Variants in TTC28 observed in about 807,000 individuals in gnomAD.
TTC28 encodes tetratricopeptide repeat domain 28, also known as tetratricopeptide repeat protein 28.
Under a neutral mutation model 198.0 loss-of-function variants are expected in TTC28, and 61 were observed. The observed-to-expected ratio is 0.31, with a 90% confidence interval of 0.25 to 0.38. TTC28 has a LOEUF of 0.38. Ranked by LOEUF, TTC28 falls within the 10% of genes least tolerant of loss-of-function variation. The probability of loss-of-function intolerance (pLI) is 1.00; values close to 1 mark genes in which losing one functional copy is unlikely to be tolerated. For synonymous variants in TTC28, 1,171 were observed against 1,297.8 expected (o/e 0.90, Z 2.10); for missense variants, 2,678 against 3,164.0 (o/e 0.85, Z 3.69).
At chr22:28,091,663 C>T (rs554764055) in intron 12 of TTC28, among the ~76,000 whole-genome samples, 1 of 152,052 alleles carries the variant, frequency 6.6e-6, no homozygotes, top group African/African-American at 2.4e-5. Context: ...ATGGGGTCAC[C>T]GTGCTCTCTT....
At chr22:28,110,732 C>T (rs1387244645) in intron 6 of TTC28, among the ~76,000 whole-genome samples, 1 of 151,920 alleles carries the variant, frequency 6.6e-6, no homozygotes, top group African/African-American at 2.4e-5. Context: ...CTTAGGAGTT[C>T]AAGAGAAGCT....
In TTC28 at chr22:27,983,934, A is replaced by T. The variant is rs916094575; in HGVS notation, c.5816-83T>A. The stretch of plus-strand genomic sequence containing the variant: ...TTCTTTCAAAATTTACGACATCTTT[A>T]TATGCATAGAAGCTAGCAAAGAATT... On this transcript the variant is annotated intron_variant, in intron 22 of 22. Coordinates refer to ENST00000397906, the MANE Select transcript of TTC28 (RefSeq NM_001145418.2). The T allele has an allele frequency of 1.7e-5, 23 of 1,369,560 alleles. No individual in the cohort carries two copies. In the Admixed American group the frequency reaches 6.0e-4, roughly 36 times the overall value. The allele number at this position is 1,369,560 out of a possible 1,614,324, so 84.8% of individuals were successfully genotyped here.
At chr22:28,188,498 AT>A (rs1924413835) in intron 5 of TTC28, among the ~76,000 whole-genome samples, 1 of 152,206 alleles carries the variant, frequency 6.6e-6, no homozygotes, top group Admixed American at 6.5e-5. Context: ...ATAAACTTAT[AT>A]AAAAAGCAAC....
intron 2 of TTC28, among the ~76,000 whole-genome samples, chr22:28,515,077 G>A (rs1601495306): frequency 1.3e-5 from 2 of 152,128 alleles, no homozygotes; most frequent in Non-Finnish European, 2.9e-5. Flanking sequence ...ATTACAGAGT[G>A]AATTTTTATT....
intron 5 of TTC28, among the ~76,000 whole-genome samples, chr22:28,192,039 C>A (rs962399607): frequency 1.3e-5 from 2 of 152,208 alleles, no homozygotes; most frequent in Non-Finnish European, 2.9e-5. Flanking sequence ...AGGCACCCCC[C>A]AGTAGGGGCA....
intron 6 of TTC28, among the ~76,000 whole-genome samples, chr22:28,109,822 C>T (rs1040061953): frequency 6.6e-6 from 1 of 152,162 alleles, no homozygotes; most frequent in Non-Finnish European, 1.5e-5. Context: ...AGTCTGTGAG[C>T]TTTCCAGTGG....
Position 27,983,744 on chromosome 22 carries a change from G to A in TTC28, c.5923C>T (p.Pro1975Ser). Residue 1975 changes from proline to serine, a missense_variant, in exon 23 of 23, where the codon CCC (proline) becomes TCC (serine). Physicochemically the swap from Pro to Ser is moderately conservative, Grantham distance 74. Around this residue, in one of 8 missense-constraint regions of TTC28, gnomAD observed 622 missense variants for 656.0 expected, o/e 0.95. Coordinates refer to ENST00000397906, the MANE Select transcript of TTC28 (RefSeq NM_001145418.2). ...SNALPLGYQQ[P>S]PFSPTGADSI... The stretch of plus-strand genomic sequence containing the variant: ...TCCGCACCGGTGGGAGAGAAGGGGG[G>A]TTGCTGGTAACCCAAGGGCAGGGCG... The A allele has an allele frequency of 1.9e-6, 3 of 1,551,670 alleles. No homozygotes were observed. Among genetic ancestry groups the A allele is most frequent in the Middle Eastern group, 1.7e-4 (1 of 5,992 alleles).
At chr22:28,507,714 T>A (rs1402311471) in intron 2 of TTC28, among the ~76,000 whole-genome samples, 1 of 152,194 alleles carries the variant, frequency 6.6e-6, no homozygotes, top group Non-Finnish European at 1.5e-5. Flanking sequence ...GACCTGTTAG[T>A]GTAAACCCTA....
At chr22:28,423,173 C>T (rs1482789355) in intron 2 of TTC28, among the ~76,000 whole-genome samples, 1 of 152,052 alleles carries the variant, frequency 6.6e-6, no homozygotes, top group Non-Finnish European at 1.5e-5. Flanking sequence ...AGGCAGATCA[C>T]GAAGTCAGGA....
intron 2 of TTC28, among the ~76,000 whole-genome samples, chr22:28,316,210 C>T (rs550879597): frequency 1.3e-5 from 2 of 152,212 alleles, no homozygotes; most frequent in South Asian, 4.2e-4. Flanking sequence ...TTAGGCAAGC[C>T]CGACTGTGCA....
intron 12 of TTC28, among the ~76,000 whole-genome samples, chr22:28,072,182 G>A (rs1390856595): frequency 1.3e-5 from 2 of 152,206 alleles, no homozygotes; most frequent in African/African-American, 2.4e-5. Flanking sequence ...ACTGAGTCAT[G>A]CTTTGTCATG....
chr22:28,585,268 C>T (rs560711289), intron 2 of TTC28, among the ~76,000 whole-genome samples: 3 of 152,126 alleles, frequency 2.0e-5, no homozygotes, highest in African/African-American at 7.2e-5. Context: ...AATTATACAA[C>T]TCACCATAAT....
intron 1 of TTC28, among the ~76,000 whole-genome samples, chr22:28,631,322 G>T (rs554541877): frequency 6.6e-6 from 1 of 152,182 alleles, no homozygotes; most frequent in Admixed American, 6.5e-5. Context: ...CTATAATTTG[G>T]CTACTACCAT....
intron 2 of TTC28, among the ~76,000 whole-genome samples, chr22:28,437,802 A>C (rs779868291): frequency 1.3e-5 from 2 of 152,088 alleles, no homozygotes; most frequent in Non-Finnish European, 2.9e-5. Flanking sequence ...CATGTTCCCT[A>C]GGCTAGACAT....
intron 2 of TTC28, among the ~76,000 whole-genome samples, chr22:28,438,104 A>C (rs2047551453): frequency 6.6e-6 from 1 of 152,180 alleles, no homozygotes. Context: ...TTCTCTGTAT[A>C]ACTACTTTTG....
intron 2 of TTC28, among the ~76,000 whole-genome samples, chr22:28,376,530 G>A (rs2046411069): frequency 6.6e-6 from 1 of 151,916 alleles, no homozygotes; most frequent in African/African-American, 2.4e-5. Context: ...ATAAAATTCA[G>A]GAAAAATATA....
intron 13 of TTC28, among the ~76,000 whole-genome samples, chr22:28,015,950 A>C (rs567449084): frequency 6.6e-6 from 1 of 151,844 alleles, no homozygotes; most frequent in South Asian, 2.1e-4. Context: ...GTGACATCAA[A>C]ATAAATTATT....
At chr22:28,606,604 G>A (rs1310927168) in intron 2 of TTC28, among the ~76,000 whole-genome samples, 3 of 152,070 alleles carry the variant, frequency 2.0e-5, no homozygotes, top group Non-Finnish European at 1.5e-5. Flanking sequence ...TTTATTGTTT[G>A]AAATTTTTCC....
At chr22:27,988,423 G>T (rs1050388656) in intron 21 of TTC28, among the ~76,000 whole-genome samples, 9 of 151,890 alleles carry the variant, frequency 5.9e-5, no homozygotes, top group Non-Finnish European at 4.4e-5. Context: ...GAGTAGCTGG[G>T]ACTACAGGCA....
Sources: allele counts gnomAD v4.1 joint callset (sites outside exome capture counted in the v4.1 genomes callset), GRCh38; gene constraint gnomAD v4.1.1; regional missense constraint gnomAD v4.1.1; transcripts MANE v1.5; gene names NCBI Gene and HGNC (gene_info 2026-07-23, HGNC 2026-07-21).